DAB1: variants seen among roughly 807,000 people sequenced by gnomAD.
DAB1 encodes the protein disabled homolog 1.
Under a neutral mutation model 64.6 loss-of-function variants are expected in DAB1, and 15 were observed. The ratio of observed to expected loss-of-function variants is 0.23; its 90% confidence interval spans 0.16 to 0.36. The LOEUF is 0.36. Ranked by LOEUF, DAB1 falls within the 10% of genes least tolerant of loss-of-function variation. The pLI is 1.00. For missense variants in DAB1, 596 were observed against 706.7 expected (o/e 0.84, Z 1.78); for synonymous variants, 235 against 251.9 (o/e 0.93, Z 0.64).
At chr1:57,699,456 G>C (rs1646882473) in intron 6 of DAB1, among the ~76,000 whole-genome samples, 1 of 152,154 alleles carries the variant, frequency 6.6e-6, no homozygotes, top group South Asian at 2.1e-4. Flanking sequence ...TACAGCTAGT[G>C]AATATACATT....
At chr1:57,654,840 GT>G (rs1325752020) in intron 6 of DAB1, among the ~76,000 whole-genome samples, 2 of 151,898 alleles carry the variant, frequency 1.3e-5, no homozygotes, top group African/African-American at 4.8e-5. Flanking sequence ...GCTTCCTTTG[GT>G]TTTACTCAAT....
intron 4 of DAB1, among the ~76,000 whole-genome samples, chr1:58,216,274 G>A (rs1474552091): frequency 1.3e-5 from 2 of 152,040 alleles, no homozygotes; most frequent in Non-Finnish European, 2.9e-5. Flanking sequence ...GTGAGAACAC[G>A]TGGTGTTTGG....
chr1:58,048,425 T>C (rs1182947769), intron 5 of DAB1: 6 of 933,548 alleles, frequency 6.4e-6, no homozygotes, highest in Non-Finnish European at 1.1e-5. Flanking sequence ...TCTATTGTTA[T>C]AGCTGTCATA....
chr1:57,276,196 A>G (rs530618091), intron 2 of DAB1, among the ~76,000 whole-genome samples: 3 of 152,342 alleles, frequency 2.0e-5, no homozygotes, highest in African/African-American at 7.2e-5. Context: ...CTGAAAGAAA[A>G]TATACCTAAG....
chr1:57,150,189 G>A (rs1167579957), intron 2 of DAB1, among the ~76,000 whole-genome samples: 1 of 152,154 alleles, frequency 6.6e-6, no homozygotes, highest in African/African-American at 2.4e-5. Context: ...ATACTAATGG[G>A]TGCTCCCAGT....
intron 4 of DAB1, among the ~76,000 whole-genome samples, chr1:58,331,602 A>G (rs1582201): frequency 0.24 from 36,747 of 152,134 alleles, 4,952 homozygotes; most frequent in South Asian, 0.36. Context: ...AGCCTTCAGC[A>G]ACCACTACCC....
intron 5 of DAB1, among the ~76,000 whole-genome samples, chr1:58,046,591 C>T (rs1191652263): frequency 6.6e-6 from 1 of 152,116 alleles, no homozygotes; most frequent in Non-Finnish European, 1.5e-5. Flanking sequence ...TGAGGTTGAA[C>T]ACATTTCCAC....
At chr1:57,677,150 T>C (rs1278024535) in intron 6 of DAB1, among the ~76,000 whole-genome samples, 1 of 152,148 alleles carries the variant, frequency 6.6e-6, no homozygotes, top group Non-Finnish European at 1.5e-5. Flanking sequence ...AGCAAGAAGG[T>C]GGCCACCTGT....
rs185401894 is a variant in DAB1 at position 57,661,281 on chromosome 1, G to A, written n.552-11616C>T. 5.3e-5 allele frequency among the ~76,000 whole-genome samples: 8 copies of A among 152,298 alleles called. No individual in the cohort carries two copies. In the East Asian group the frequency reaches 1.5e-3, roughly 29 times the overall value. ...GTGTAGTGGAAAGGATAGGAGCTGT[G>A]GCTCCAGATGGAGCTGCAGTCATAG... On this transcript the variant is annotated intron_variant and non_coding_transcript_variant, in intron 6 of 20. Transcript: ENST00000485760.
intron 6 of DAB1, among the ~76,000 whole-genome samples, chr1:57,666,103 A>T (rs1240634675): frequency 3.3e-5 from 5 of 152,196 alleles, no homozygotes; most frequent in African/African-American, 4.8e-5. Context: ...GGAAAAACAA[A>T]GCAATAGAAG....
intron 1 of DAB1, among the ~76,000 whole-genome samples, chr1:57,360,425 T>C (rs1423806019): frequency 6.6e-6 from 1 of 152,058 alleles, no homozygotes; most frequent in Non-Finnish European, 1.5e-5. Flanking sequence ...TCAATACTAC[T>C]CATACAAGCC....
At chr1:57,167,628 T>A (rs550964467) in intron 2 of DAB1, among the ~76,000 whole-genome samples, 2 of 152,308 alleles carry the variant, frequency 1.3e-5, no homozygotes, top group Admixed American at 1.3e-4. Flanking sequence ...CACATCTGAA[T>A]GTTTTACAAC....
intron 7 of DAB1, among the ~76,000 whole-genome samples, chr1:57,543,264 A>C (rs1570611484): frequency 6.6e-6 from 1 of 152,172 alleles, no homozygotes; most frequent in East Asian, 1.9e-4. Flanking sequence ...TTTAGGCAGA[A>C]CCACATAGCT....
At chr1:58,442,035 C>A (rs1645015501) in intron 3 of DAB1, among the ~76,000 whole-genome samples, 1 of 152,186 alleles carries the variant, frequency 6.6e-6, no homozygotes, top group Non-Finnish European at 1.5e-5. Flanking sequence ...AGGAGAAAAT[C>A]AAATAACACC....
At chr1:57,463,686 A>AGGATTCTATT (rs1178418727) in intron 7 of DAB1, among the ~76,000 whole-genome samples, 2 of 152,190 alleles carry the variant, frequency 1.3e-5, no homozygotes, top group African/African-American at 4.8e-5. Context: ...AAGATTCGAC[A>AGGATTCTATT]GGATTCTATT....
chr1:58,404,695 C>T (rs1644600058), intron 3 of DAB1, among the ~76,000 whole-genome samples: 1 of 152,206 alleles, frequency 6.6e-6, no homozygotes, highest in Non-Finnish European at 1.5e-5. Context: ...CCCTAAGGAT[C>T]TAGGTTCAAA....
At chr1:58,149,828 A>G (rs1280759560) in intron 5 of DAB1, among the ~76,000 whole-genome samples, 2 of 152,134 alleles carry the variant, frequency 1.3e-5, no homozygotes, top group Non-Finnish European at 2.9e-5. Flanking sequence ...ACCTTAAAAC[A>G]CCACATTTTC....
At chr1:58,349,001 G>A (rs1644026477) in intron 3 of DAB1, among the ~76,000 whole-genome samples, 1 of 152,206 alleles carries the variant, frequency 6.6e-6, no homozygotes, top group African/African-American at 2.4e-5. Flanking sequence ...AGCTTTGAGA[G>A]AGAAGAGTGT....
intron 5 of DAB1, among the ~76,000 whole-genome samples, chr1:58,116,260 G>A (rs1652329026): frequency 6.6e-6 from 1 of 152,284 alleles, no homozygotes; most frequent in South Asian, 2.1e-4. Context: ...GATAGAAAGA[G>A]GCTATGTTCC....
Sources: gnomAD v4.1 joint callset for allele counts (sites outside exome capture counted in the v4.1 genomes callset) on GRCh38, gnomAD v4.1.1 for gene constraint, MANE v1.5 for transcripts, NCBI Gene and HGNC (gene_info 2026-07-23, HGNC 2026-07-21) for gene names.